The following MYH9 variants were observed in gnomAD, a reference collection of about 807,000 sequenced individuals.
MYH9 encodes the protein myosin-9.
In MYH9, 29 loss-of-function variants were observed where a neutral mutation model predicts 241.9. That is an observed-to-expected ratio of 0.12 (90% CI 0.09 to 0.16). The LOEUF is 0.16. Ranked by LOEUF, MYH9 falls within the 10% of genes least tolerant of loss-of-function variation. The pLI is 1.00. For synonymous variants in MYH9, 1,047 were observed against 1,062.6 expected (o/e 0.99, Z 0.29); for missense variants, 1,803 against 2,595.5 (o/e 0.69, Z 6.63).
At chr22:36,344,011 C>A (rs1439528396) in intron 2 of MYH9, among the ~76,000 whole-genome samples, 1 of 152,234 alleles carries the variant, frequency 6.6e-6, no homozygotes, top group East Asian at 1.9e-4. Flanking sequence ...AGAAGGGGAC[C>A]ACGGGTCATT....
At chr22:36,378,237 A>G (rs2146424158) in intron 1 of MYH9, among the ~76,000 whole-genome samples, 1 of 152,146 alleles carries the variant, frequency 6.6e-6, no homozygotes, top group South Asian at 2.1e-4. Flanking sequence ...TCGCGCCACC[A>G]CATTCCAGCC....
intron 2 of MYH9, among the ~76,000 whole-genome samples, chr22:36,344,999 G>A (rs1051806022): frequency 1.3e-5 from 2 of 152,218 alleles, no homozygotes; most frequent in Non-Finnish European, 2.9e-5. Flanking sequence ...CGAGCCAGGT[G>A]CTGGCTGGGT....
intron 5 of MYH9, chr22:36,325,098 A>C (rs745763107): frequency 1.3e-6 from 1 of 774,648 alleles, no homozygotes; most frequent in Middle Eastern, 2.3e-4. Context: ...TCCTAACCTC[A>C]CAGCTCTGTT....
In MYH9 at chr22:36,371,752, C is replaced by T. The variant is rs570219394; in HGVS notation, c.-20+16055G>A. ...GTTTCACCATGTTGGCCTGGCTGGT[C>T]TCGAACTCCTGACCTCAGGTGATCC... On this transcript the variant is annotated intron_variant, in intron 1 of 40. Coordinates refer to ENST00000216181, the MANE Select transcript of MYH9 (RefSeq NM_002473.6). Among the ~76,000 whole-genome samples, 5 of 152,140 alleles carry T rather than the reference C, an allele frequency of 3.3e-5. No homozygotes were observed. In the South Asian group the frequency reaches 1.0e-3, roughly 32 times the overall value.
At chr22:36,341,683 C>T (rs957824450) in intron 2 of MYH9, among the ~76,000 whole-genome samples, 157 bp from the exon 3 acceptor site, 66 of 152,346 alleles carry the variant, frequency 4.3e-4, no homozygotes, top group Non-Finnish European at 7.5e-4. Context: ...GCCCAGCTCC[C>T]GCAGCCCTGC....
At chr22:36,353,118 T>A (rs201224246) in intron 1 of MYH9, among the ~76,000 whole-genome samples, 14,279 of 151,790 alleles carry the variant, frequency 0.094, 705 homozygotes, top group South Asian at 0.12. Context: ...TGTGTGTGTG[T>A]GTGTGTGTGT....
Position 36,300,028 on chromosome 22 carries a change from G to T in MYH9, c.2976+99C>A. ...CTCATGCTGCAGGCAGAAGAGACAG[G>T]AAGCAGCAGCAGCGGGGAGCCAGGC... On this transcript the variant is annotated intron_variant, in intron 23 of 40. Coordinates refer to ENST00000216181, the MANE Select transcript of MYH9 (RefSeq NM_002473.6). This position sits in a 1 kb window ranked among gnomAD's most constrained non-coding sequence, Gnocchi z 5.0. 1 of 1,522,276 alleles carries T rather than the reference G, an allele frequency of 6.6e-7. No individual in the cohort carries two copies. Among genetic ancestry groups the T allele is most frequent in the Non-Finnish European group, 9.0e-7 (1 of 1,110,624 alleles). 94.3% of individuals were successfully genotyped at this position (1,522,276 alleles called of 1,614,324 possible). A position where few individuals can be genotyped will look rare whatever the true frequency, so the allele number is the denominator to read the frequency against.
In MYH9 at chr22:36,326,604, C is replaced by G; in HGVS notation, c.576G>C (p.Ala192=). The change falls in exon 5 of 41, where the codon GCG becomes GCC. Residue 192 remains alanine (A), a synonymous_variant. Transcript: ENST00000216181. The part of the protein sequence containing the change: ...ENTKKVIQYL[A]YVASSHKSKK... The stretch of plus-strand genomic sequence containing the variant: ...TGCTCTTGTGCGAGGACGCCACGTA[C>G]GCCAGATACTGGATGACCTTCTTGG... 1.2e-6 allele frequency: 2 copies of G among 1,614,248 alleles called. No homozygotes were observed. Among genetic ancestry groups the G allele is most frequent in the Non-Finnish European group, 1.7e-6 (2 of 1,180,044 alleles).
At chr22:36,318,849 T>C (rs561078706) in intron 10 of MYH9, among the ~76,000 whole-genome samples, 13 of 151,988 alleles carry the variant, frequency 8.6e-5, no homozygotes, top group African/African-American at 1.2e-4. Context: ...CTGCAACCCC[T>C]ACCTCCTGGC....
At position 36,300,579 on chromosome 22, in the gene MYH9, G is replaced by C. The variant is rs1310328777; in HGVS notation, c.2838+272C>G. On this transcript the variant is annotated intron_variant, in intron 22 of 40. Transcript: ENST00000216181. This position sits in a 1 kb window ranked among gnomAD's most constrained non-coding sequence, Gnocchi z 5.0. ...GGCAGGACGCAGAGGTGCTGGCCCT[G>C]TGCCCCTTCGGCTAGCCAGGGCCAG... Among the ~76,000 whole-genome samples the C allele has an allele frequency of 6.6e-6, 1 of 152,330 alleles. No individual in the cohort carries two copies. The highest frequency in any genetic ancestry group is 1.5e-5 in the Non-Finnish European group (1 of 68,014).
rs759156685 is a variant in MYH9 at position 36,349,019 on chromosome 22, T to C, written c.218A>G (p.Gln73Arg). The C allele has an allele frequency of 6.2e-7, 1 of 1,614,272 alleles. No individual in the cohort carries two copies. Among genetic ancestry groups the C allele is most frequent in the Non-Finnish European group, 8.5e-7 (1 of 1,180,054 alleles). Residue 73 changes from glutamine (Q) to arginine (R), a missense_variant, in exon 2 of 41, where the codon CAG (glutamine) becomes CGG (arginine). Gln to Arg is a conservative substitution (Grantham distance 43). This residue lies in a region of MYH9 where 72 missense variants were observed against 134.3 expected (regional missense o/e 0.54). Coordinates refer to ENST00000216181, the MANE Select transcript of MYH9 (RefSeq NM_002473.6). ...GGAGAACTTGGGCGGGTTCATCTTC[T>C]GGATGTCATCCTTGTTCACCTTCAC... The part of the protein sequence containing the change: ...KKVKVNKDDI[Q>R]KMNPPKFSKV...
intron 1 of MYH9, among the ~76,000 whole-genome samples, chr22:36,354,547 C>T (rs1169511669): frequency 6.6e-6 from 1 of 151,344 alleles, no homozygotes; most frequent in Non-Finnish European, 1.5e-5. Context: ...CAGGTTCAAG[C>T]GATTCTCCGC....
chr22:36,315,404 G>A (rs1001131848), intron 12 of MYH9, among the ~76,000 whole-genome samples: 5 of 152,140 alleles, frequency 3.3e-5, no homozygotes, highest in African/African-American at 1.2e-4. Context: ...TCTACTGTAA[G>A]TATCGGTTTC....
chr22:36,337,681 G>A (rs753926062), intron 3 of MYH9, among the ~76,000 whole-genome samples: 28 of 152,280 alleles, frequency 1.8e-4, no homozygotes, highest in African/African-American at 5.3e-4. Flanking sequence ...GGAACTTTCC[G>A]GCTGTGCCTT....
rs758401391 is a variant in MYH9 at position 36,314,148 on chromosome 22, C to T, written c.1551G>A (p.Lys517=). 3.1e-6 allele frequency: 5 copies of T among 1,613,996 alleles called. No homozygotes were observed. The South Asian group carries it at 3.3e-5, about 11-fold the overall frequency. The change falls in exon 13 of 41, where the codon AAG becomes AAA. Residue 517 remains lysine (K), a synonymous_variant. Coordinates refer to ENST00000216181, the MANE Select transcript of MYH9 (RefSeq NM_002473.6). ...DLQPCIDLIE[K]PAGPPGILAL... ...TCAAAGCAAGCCTGGTACTCACTGG[C>T]TTCTCAATGAGGTCGATGCAGGGCT... is the stretch of plus-strand genomic sequence containing the variant.
At chr22:36,327,409 T>A in intron 4 of MYH9, 52 bp downstream of exon 4, 2 of 1,609,006 alleles carry the variant, frequency 1.2e-6, no homozygotes, top group Non-Finnish European at 1.7e-6. Context: ...ACCTCAAGAA[T>A]GAGAACAGAC....
At chr22:36,286,561 C>T (rs1448715925) in intron 35 of MYH9, among the ~76,000 whole-genome samples, 157 bp downstream of exon 35, 3 of 152,206 alleles carry the variant, frequency 2.0e-5, no homozygotes, top group Non-Finnish European at 4.4e-5. Context: ...CGCTATGAAA[C>T]GGAACCCTGG....
At chr22:36,380,124 C>T (rs909100350) in intron 1 of MYH9, among the ~76,000 whole-genome samples, 1 of 152,196 alleles carries the variant, frequency 6.6e-6, no homozygotes, top group Non-Finnish European at 1.5e-5. Flanking sequence ...ACCATTCCCC[C>T]AGGAGGCCCG....
Position 36,288,481 on chromosome 22 carries a change from T to C in MYH9, c.4771-68A>G. The C allele has an allele frequency of 6.3e-7, 1 of 1,585,820 alleles. No homozygotes were observed. The highest frequency in any genetic ancestry group is 8.6e-7 in the Non-Finnish European group (1 of 1,167,092). On this transcript the variant is annotated intron_variant, in intron 33 of 40. Transcript: ENST00000216181. This position sits in a 1 kb window ranked among gnomAD's most constrained non-coding sequence, Gnocchi z 4.8. ...GGGAGACCCTGCCCTAGCTCTGAACTCAGGAGCCTCAGGCCAGTTCTGCAG... is the reference window on the plus strand; with the variant it reads ...GGGAGACCCTGCCCTAGCTCTGAACCCAGGAGCCTCAGGCCAGTTCTGCAG...
Sources: allele counts gnomAD v4.1 joint callset (sites outside exome capture counted in the v4.1 genomes callset), GRCh38; gene constraint gnomAD v4.1.1; regional missense constraint gnomAD v4.1.1; non-coding constraint Gnocchi (gnomAD v3.1); transcripts MANE v1.5; gene names NCBI Gene and HGNC (gene_info 2026-07-23, HGNC 2026-07-21).